The following ADD3 variants were observed in gnomAD, a reference collection of about 807,000 sequenced individuals.
ADD3 encodes the protein adducin 3.
A neutral mutation model predicts 80.2 loss-of-function variants in ADD3; 25 were observed. That is an observed-to-expected ratio of 0.31 (90% CI 0.23 to 0.44). ADD3 has a LOEUF of 0.44. Ranked by LOEUF, ADD3 falls within the 20% of genes least tolerant of loss-of-function variation. The pLI, the probability that ADD3 is intolerant of heterozygous loss-of-function variation, is 1.00. For missense variants in ADD3, 829 were observed against 847.5 expected (o/e 0.98, Z 0.27); for synonymous variants, 284 against 289.6 (o/e 0.98, Z 0.20).
chr10:110,082,753 A>T (rs776317460), intron 1 of ADD3, among the ~76,000 whole-genome samples: 17 of 152,184 alleles, frequency 1.1e-4, no homozygotes, highest in Non-Finnish European at 8.8e-5. Context: ...TGCTCTTTTT[A>T]TGTATGTATT....
intron 1 of ADD3, among the ~76,000 whole-genome samples, chr10:110,056,841 C>T (rs1022165948): frequency 3.3e-5 from 5 of 152,158 alleles, no homozygotes; most frequent in African/African-American, 1.2e-4. Context: ...CTTAACCATG[C>T]ACCTGGAGCA....
intron 1 of ADD3, among the ~76,000 whole-genome samples, chr10:110,024,149 C>T (rs1854008713): frequency 6.6e-6 from 1 of 152,076 alleles, no homozygotes; most frequent in South Asian, 2.1e-4. Context: ...CAGAGGTACA[C>T]CCTGAATCTA....
At chr10:110,113,359 G>A (rs1011926355) in intron 3 of ADD3, among the ~76,000 whole-genome samples, 4 of 151,984 alleles carry the variant, frequency 2.6e-5, no homozygotes, top group African/African-American at 7.2e-5. Context: ...CCTCCACCTC[G>A]CAGGTTCAAG....
At chr10:110,073,138 C>CTTTTTTTTTTTTTTTTTTT (rs1189793476) in intron 1 of ADD3, among the ~76,000 whole-genome samples, 3 of 94,220 alleles carry the variant, frequency 3.2e-5, no homozygotes, top group Admixed American at 1.1e-4. Context: ...TTTTAGTTTT[C>CTTTTTTTTTTTTTTTTTTT]TTTTTTTTTT....
chr10:110,008,237 TGCAGCCCGGGCGGCTGCC>T lies in ADD3; in HGVS notation c.-90_-73del, dbSNP rs954007517. The T allele has an allele frequency of 2.6e-5, 4 of 152,310 alleles. No homozygotes were observed. The highest frequency in any genetic ancestry group is 6.5e-5 in the Admixed American group (1 of 15,308). 9.4% of individuals were successfully genotyped at this position (152,310 alleles called of 1,614,324 possible). On this transcript the variant is annotated 5_prime_UTR_variant, in exon 1 of 15. Transcript: ENST00000356080. Reference sequence around the variant, plus strand: ...CCGCAGCGGCGGATCCGGCGGCTGCTGCAGCCCGGGCGGCTGCCGAGAAGGAGGGAGGGGAAACACAAA... The same window carrying T: ...CCGCAGCGGCGGATCCGGCGGCTGCTGAGAAGGAGGGAGGGGAAACACAAA...
At chr10:110,034,023 G>A (rs191009227) in intron 1 of ADD3, among the ~76,000 whole-genome samples, 10 of 152,270 alleles carry the variant, frequency 6.6e-5, no homozygotes, top group Admixed American at 6.5e-4. Flanking sequence ...GGTTTGCTTT[G>A]TTTTGTTAAA....
intron 1 of ADD3, among the ~76,000 whole-genome samples, chr10:110,036,702 A>G (rs150504451): frequency 3.3e-5 from 5 of 152,106 alleles, no homozygotes; most frequent in East Asian, 1.9e-4. Flanking sequence ...TCACATTTCA[A>G]TATCTAAGTA....
intron 1 of ADD3, among the ~76,000 whole-genome samples, chr10:110,058,554 G>C (rs772538378): frequency 1.3e-5 from 2 of 152,194 alleles, no homozygotes; most frequent in Admixed American, 6.5e-5. Context: ...TGTGAGGACT[G>C]TGGCAACAGT....
At chr10:110,099,083 CTTTTT>C in intron 1 of ADD3, among the ~76,000 whole-genome samples, 1 of 135,876 alleles carries the variant, frequency 7.4e-6, no homozygotes, top group East Asian at 2.1e-4. Flanking sequence ...ACACGCCTGG[CTTTTT>C]TTTTTTTTTT....
intron 12 of ADD3, among the ~76,000 whole-genome samples, chr10:110,128,733 A>G (rs748175092): frequency 2.0e-5 from 3 of 152,174 alleles, no homozygotes; most frequent in Non-Finnish European, 4.4e-5. Context: ...TTTATTTTTA[A>G]TAAGAGTTCT....
chr10:110,104,059 G>A (rs1849143369), intron 2 of ADD3, among the ~76,000 whole-genome samples: 1 of 152,132 alleles, frequency 6.6e-6, no homozygotes, highest in Admixed American at 6.6e-5. Context: ...TCAGGGTGTA[G>A]AACCTTAAGT....
intron 1 of ADD3, among the ~76,000 whole-genome samples, chr10:110,028,415 T>G (rs1386322382): frequency 1.3e-5 from 2 of 151,242 alleles, no homozygotes; most frequent in Non-Finnish European, 3.0e-5. Flanking sequence ...AATACAAAAA[T>G]TAGCTGGGCG....
chr10:110,077,235 G>A (rs1391161798), intron 1 of ADD3: 1 of 152,022 alleles, frequency 6.6e-6, no homozygotes, highest in Non-Finnish European at 1.5e-5. Flanking sequence ...TTCTTCTTTG[G>A]GAGGAGCCTC....
intron 1 of ADD3, among the ~76,000 whole-genome samples, chr10:110,019,646 G>A (rs1853432025): frequency 6.6e-6 from 1 of 152,122 alleles, no homozygotes; most frequent in African/African-American, 2.4e-5. Context: ...GAGCCACTGT[G>A]CCTGGCTAGT....
At chr10:110,106,136 A>G (rs1370367280) in intron 2 of ADD3, 1 of 143,508 alleles carries the variant, frequency 7.0e-6, no homozygotes, top group Non-Finnish European at 1.5e-5. Flanking sequence ...GCAAGTCTGT[A>G]ATCTTTTTTT....
At chr10:110,117,838 A>T (rs1329428857) in intron 5 of ADD3, among the ~76,000 whole-genome samples, 1 of 152,036 alleles carries the variant, frequency 6.6e-6, no homozygotes, top group Non-Finnish European at 1.5e-5. Flanking sequence ...ACATGGTGAA[A>T]CCCCATCTCT....
At chr10:110,000,168 C>T (rs1851457948) in intron 1 of ADD3, among the ~76,000 whole-genome samples, 1 of 152,214 alleles carries the variant, frequency 6.6e-6, no homozygotes, top group Admixed American at 6.5e-5. Flanking sequence ...GATCCGCCCA[C>T]CTTGGCCTCC....
chr10:110,041,764 G>T (rs12247288), intron 1 of ADD3, among the ~76,000 whole-genome samples: 18,487 of 152,114 alleles, frequency 0.12, 3,602 homozygotes, highest in African/African-American at 0.41. Context: ...TTTTCGTACT[G>T]AATCAACAAG....
chr10:110,000,594 A>C (rs1851466510), intron 1 of ADD3, among the ~76,000 whole-genome samples: 1 of 152,198 alleles, frequency 6.6e-6, no homozygotes, highest in African/African-American at 2.4e-5. Context: ...TATAAACTCC[A>C]CTTTTGCAGT....
Sources: gnomAD v4.1 joint callset for allele counts (sites outside exome capture counted in the v4.1 genomes callset) on GRCh38, gnomAD v4.1.1 for gene constraint, MANE v1.5 for transcripts, NCBI Gene and HGNC (gene_info 2026-07-23, HGNC 2026-07-21) for gene names.